Variants in PSEN1 observed in about 807,000 individuals in gnomAD.
PSEN1 encodes presenilin 1.
Under a neutral mutation model 53.5 loss-of-function variants are expected in PSEN1, and 15 were observed. The observed-to-expected ratio is 0.28, with a 90% confidence interval of 0.19 to 0.43. The LOEUF (loss-of-function observed/expected upper bound fraction) is 0.43, where lower values mean the gene tolerates loss of function less well. PSEN1 is among the 20% of genes least tolerant of loss of function. The pLI is 1.00. For synonymous variants in PSEN1, 208 were observed against 209.8 expected (o/e 0.99, Z 0.08); for missense variants, 387 against 571.2 (o/e 0.68, Z 3.29).
At chr14:73,192,024 A>G (rs1898738384) in intron 6 of PSEN1, among the ~76,000 whole-genome samples, 1 of 152,062 alleles carries the variant, frequency 6.6e-6, no homozygotes, top group South Asian at 2.1e-4. Flanking sequence ...CTTCGTACTC[A>G]TTTTTATAGT....
In PSEN1 at chr14:73,209,024, G is replaced by A. The variant is rs548617542; in HGVS notation, c.955+2552G>A. The A allele has an allele frequency of 3.3e-4, 118 of 357,126 alleles. 1 individual carries two copies. The highest frequency in any genetic ancestry group is 4.0e-4 in the Non-Finnish European group (71 of 178,970). The allele number at this position is 357,126 out of a possible 1,614,324, so 22.1% of individuals were successfully genotyped here. A position where few individuals can be genotyped will look rare whatever the true frequency, so the allele number is the denominator to read the frequency against. On this transcript the variant is annotated intron_variant, in intron 9 of 11. Transcript: ENST00000324501. Reference sequence around the variant, plus strand: ...CTGGCATGTCAGTGCTGCCCCAAGCGCCCGCACACCCGGCCAGGTCATGAC... The same window carrying A: ...CTGGCATGTCAGTGCTGCCCCAAGCACCCGCACACCCGGCCAGGTCATGAC...
At chr14:73,161,671 A>G (rs1195776333) in intron 3 of PSEN1, among the ~76,000 whole-genome samples, 2 of 152,154 alleles carry the variant, frequency 1.3e-5, no homozygotes, top group East Asian at 3.8e-4. Context: ...AGTGTATGAC[A>G]ACACACGTGG....
chr14:73,168,204 A>T (rs1897776510), intron 3 of PSEN1: 1 of 152,074 alleles, frequency 6.6e-6, no homozygotes, highest in African/African-American at 2.4e-5. Context: ...AAAAATACAA[A>T]AATTAGTTGG....
intron 5 of PSEN1, among the ~76,000 whole-genome samples, chr14:73,181,745 A>G (rs185068220): frequency 1.6e-4 from 25 of 152,302 alleles, no homozygotes; most frequent in Admixed American, 3.9e-4. Flanking sequence ...CAGATAGAAA[A>G]CATGTCTGAA....
chr14:73,146,354 A>G (rs1167823027), intron 1 of PSEN1, among the ~76,000 whole-genome samples: 1 of 151,954 alleles, frequency 6.6e-6, no homozygotes, highest in Non-Finnish European at 1.5e-5. Flanking sequence ...GCACCCAGCT[A>G]ATTATTTTTT....
intron 3 of PSEN1, among the ~76,000 whole-genome samples, chr14:73,161,219 C>T (rs772968643): frequency 6.6e-6 from 1 of 151,904 alleles, no homozygotes; most frequent in Non-Finnish European, 1.5e-5. Flanking sequence ...AAGCAATCCA[C>T]CTGCCTTAGC....
chr14:73,151,942 C>T (rs1288225558), intron 3 of PSEN1, among the ~76,000 whole-genome samples: 18 of 102,020 alleles, frequency 1.8e-4, no homozygotes, highest in African/African-American at 6.4e-4. Flanking sequence ...GACGGAGTCT[C>T]GCTCTGTTGC....
At chr14:73,159,179 ATT>A (rs35615325) in intron 3 of PSEN1, among the ~76,000 whole-genome samples, 94 of 142,732 alleles carry the variant, frequency 6.6e-4, no homozygotes, top group South Asian at 3.6e-3. Flanking sequence ...TGAAGGGCAG[ATT>A]TTTTTTTTTT....
At chr14:73,172,184 C>G (rs1368908589) in intron 4 of PSEN1, among the ~76,000 whole-genome samples, 1 of 152,158 alleles carries the variant, frequency 6.6e-6, no homozygotes, top group Non-Finnish European at 1.5e-5. Flanking sequence ...AGCCCTTGGC[C>G]TCCAAGAAAA....
chr14:73,201,317 A>C (rs1397898515), intron 8 of PSEN1, among the ~76,000 whole-genome samples: 1 of 152,010 alleles, frequency 6.6e-6, no homozygotes, highest in African/African-American at 2.4e-5. Context: ...CGATCTCCTG[A>C]CCTTGTGATC....
At chr14:73,213,899 G>A (rs538211657) in intron 10 of PSEN1, among the ~76,000 whole-genome samples, 3 of 152,302 alleles carry the variant, frequency 2.0e-5, no homozygotes, top group Admixed American at 6.5e-5. Context: ...TGGTGGGAAT[G>A]TAAAATAGTA....
rs186773784 is a variant in PSEN1 at position 73,191,205 on chromosome 14, A to G, written c.549-1439A>G. Among the ~76,000 whole-genome samples the G allele has an allele frequency of 1.4e-3, 220 of 152,320 alleles. 1 individual carries two copies. The highest frequency in any genetic ancestry group is 4.8e-3 in the African/African-American group (201 of 41,574). ...GAAGAAAAATGACCAGATTCCCACC[A>G]CCTAAAGATAAGTCCTGTCATCCTT... On this transcript the variant is annotated intron_variant, in intron 6 of 11. Transcript: ENST00000324501.
At chr14:73,178,082 C>A (rs1898096475) in intron 5 of PSEN1, among the ~76,000 whole-genome samples, 1 of 151,766 alleles carries the variant, frequency 6.6e-6, no homozygotes, top group South Asian at 2.1e-4. Flanking sequence ...CCATGCCTGG[C>A]TGATTTTGTT....
At chr14:73,167,654 C>G (rs1897756142) in intron 3 of PSEN1, among the ~76,000 whole-genome samples, 1 of 152,002 alleles carries the variant, frequency 6.6e-6, no homozygotes, top group Admixed American at 6.6e-5. Context: ...GTTTTAATCC[C>G]CACTTTGTCT....
chr14:73,202,323 G>A (rs1339950762), intron 8 of PSEN1, among the ~76,000 whole-genome samples: 1 of 147,538 alleles, frequency 6.8e-6, no homozygotes, highest in East Asian at 2.0e-4. Flanking sequence ...TGAGGAATTA[G>A]GACCAGACTT....
At chr14:73,175,047 A>G (rs945117280) in intron 5 of PSEN1, among the ~76,000 whole-genome samples, 2 of 152,168 alleles carry the variant, frequency 1.3e-5, no homozygotes, top group Admixed American at 6.5e-5. Flanking sequence ...TCGGCCAGGC[A>G]TGGTGGCTCA....
intron 6 of PSEN1, among the ~76,000 whole-genome samples, chr14:73,188,596 A>G (rs1313741209): frequency 6.6e-6 from 1 of 152,102 alleles, no homozygotes; most frequent in Admixed American, 6.5e-5. Context: ...GCAGTGAGCT[A>G]TGATTGCACC....
At chr14:73,214,622 C>T (rs1243715340) in intron 10 of PSEN1, among the ~76,000 whole-genome samples, 2 of 151,834 alleles carry the variant, frequency 1.3e-5, no homozygotes, top group Non-Finnish European at 2.9e-5. Flanking sequence ...TATTATTCAG[C>T]TTTAAAAAGG....
At position 73,211,773 on chromosome 14, in the gene PSEN1, A is replaced by G. The variant is rs548251656; in HGVS notation, c.960A>G (p.Thr320=). The change falls in exon 10 of 12, where the codon ACA becomes ACG. Residue 320 remains threonine (T), a synonymous_variant. Coordinates refer to ENST00000324501, the MANE Select transcript of PSEN1 (RefSeq NM_000021.4). ...SKNSKYNAES[T]ERESQDTVAE... ...AACTTCCACTTTCTCTTGAAGGCAC[A>G]GAAAGGGAGTCACAAGACACTGTTG... The G allele has an allele frequency of 6.2e-7, 1 of 1,614,078 alleles. No individual in the cohort carries two copies. Among genetic ancestry groups the G allele is most frequent in the South Asian group, 1.1e-5 (1 of 91,082 alleles).
Sources: allele counts gnomAD v4.1 joint callset (sites outside exome capture counted in the v4.1 genomes callset), GRCh38; gene constraint gnomAD v4.1.1; transcripts MANE v1.5; gene names NCBI Gene and HGNC (gene_info 2026-07-23, HGNC 2026-07-21).